Variants in ZNF716 observed in about 807,000 individuals in gnomAD.
The protein encoded by ZNF716 is zinc finger protein 716.
ZNF716 carries 9 observed loss-of-function variants against 13.4 expected under a neutral mutation model. The ratio of observed to expected loss-of-function variants is 0.67; its 90% CI spans 0.41 to 1.18. ZNF716 has a LOEUF of 1.18. Among genes scored for constraint, ZNF716 ranks in the 50% most tolerant of loss-of-function variants. The pLI, the probability that ZNF716 is intolerant of heterozygous loss-of-function variation, is 0.01. For synonymous variants in ZNF716, 186 were observed against 195.2 expected (o/e 0.95, Z 0.39); for missense variants, 581 against 576.6 (o/e 1.01, Z -0.08).
chr7:57,463,676 G>A (rs1259710741), intron 3 of ZNF716, among the ~76,000 whole-genome samples: 1 of 151,526 alleles, frequency 6.6e-6, no homozygotes, highest in Non-Finnish European at 1.5e-5. Flanking sequence ...TTTTATCCAT[G>A]TATTTATTTA....
chr7:57,458,536 C>T (rs548409086), intron 1 of ZNF716, among the ~76,000 whole-genome samples: 91 of 152,110 alleles, frequency 6.0e-4, no homozygotes, highest in East Asian at 7.7e-4. Flanking sequence ...GATTCTTTTG[C>T]CTCAGCCTCC....
At chr7:57,457,088 T>C (rs1789606480) in intron 1 of ZNF716, among the ~76,000 whole-genome samples, 1 of 152,172 alleles carries the variant, frequency 6.6e-6, no homozygotes, top group African/African-American at 2.4e-5. Context: ...ACAGCACTTA[T>C]GCTTTTAGTG....
chr7:57,472,949 G>A lies in ZNF716; in HGVS notation c.*3000G>A, dbSNP rs1789972117. The stretch of plus-strand genomic sequence containing the variant: ...TTAATGATCACAACAGAGTAAATGA[G>A]GCATTCATCACCTTGAGCATGTATT... On this transcript the variant is annotated 3_prime_UTR_variant, in exon 4 of 4. Transcript: ENST00000420713. 1 of 151,898 alleles carries A rather than the reference G, an allele frequency of 6.6e-6. No individual in the cohort carries two copies. Among genetic ancestry groups the A allele is most frequent in the African/African-American group, 2.4e-5 (1 of 41,352 alleles). 9.4% of individuals were successfully genotyped at this position (151,898 alleles called of 1,614,324 possible). A position where few individuals can be genotyped will look rare whatever the true frequency, so the allele number is the denominator to read the frequency against.
At chr7:57,467,241 C>G (rs184815735) in intron 3 of ZNF716, among the ~76,000 whole-genome samples, 49 of 152,020 alleles carry the variant, frequency 3.2e-4, no homozygotes, top group Non-Finnish European at 6.3e-4. Context: ...TTATATCTTT[C>G]AAATTTTAAA....
At chr7:57,454,937 A>G (rs1789560271) in intron 1 of ZNF716, among the ~76,000 whole-genome samples, 1 of 152,030 alleles carries the variant, frequency 6.6e-6, no homozygotes, top group Non-Finnish European at 1.5e-5. Context: ...GAGGCAGGAG[A>G]ATGGCATGAA....
rs112032380 is a variant in ZNF716, at chr7:57,450,469, T to C, written c.39+142T>C. 7.3e-5 allele frequency: 107 copies of C among 1,465,502 alleles called. No individual in the cohort carries two copies. The African/African-American group carries it at 1.1e-3, about 16-fold the overall frequency. 90.8% of individuals were successfully genotyped at this position (1,465,502 alleles called of 1,614,324 possible). A position where few individuals can be genotyped will look rare whatever the true frequency, so the allele number is the denominator to read the frequency against. On this transcript the variant is annotated intron_variant, in intron 1 of 3. Coordinates refer to ENST00000420713, the MANE Select transcript of ZNF716 (RefSeq NM_001159279.1). ...ATCCTCCTTGTCCCAGCTCGGCTCTTAGTCCCCTCGAGCGTTAAGATGCTG... is the reference window on the plus strand; with the variant it reads ...ATCCTCCTTGTCCCAGCTCGGCTCTCAGTCCCCTCGAGCGTTAAGATGCTG...
At chr7:57,459,711 C>T (rs1377586194) in intron 1 of ZNF716, among the ~76,000 whole-genome samples, 3 of 152,156 alleles carry the variant, frequency 2.0e-5, no homozygotes, top group Non-Finnish European at 1.5e-5. Flanking sequence ...GCTGCACTGC[C>T]TGCCCTGTTT....
At chr7:57,461,863 A>C (rs2116415027) in intron 1 of ZNF716, among the ~76,000 whole-genome samples, 1 of 152,296 alleles carries the variant, frequency 6.6e-6, no homozygotes, top group Non-Finnish European at 1.5e-5. Flanking sequence ...ATAGCACTCA[A>C]AAATAGACAT....
chr7:57,461,008 G>A (rs1225071199), intron 1 of ZNF716, among the ~76,000 whole-genome samples: 2 of 151,674 alleles, frequency 1.3e-5, no homozygotes, highest in African/African-American at 4.8e-5. Context: ...AGTGGCTCAC[G>A]CTTGTAATCC....
At chr7:57,458,090 T>A (rs782231350) in intron 1 of ZNF716, among the ~76,000 whole-genome samples, 2 of 152,242 alleles carry the variant, frequency 1.3e-5, no homozygotes, top group African/African-American at 2.4e-5. Flanking sequence ...TGGTTTTTGC[T>A]ATTGTGAATA....
intron 1 of ZNF716, among the ~76,000 whole-genome samples, chr7:57,460,553 A>T (rs1277408197): frequency 9.2e-5 from 14 of 152,074 alleles, no homozygotes; most frequent in African/African-American, 3.4e-4. Flanking sequence ...TCTGAAAAAA[A>T]TATTTTTTTT....
At chr7:57,467,765 C>T (rs558557319) in intron 3 of ZNF716, among the ~76,000 whole-genome samples, 5 of 151,686 alleles carry the variant, frequency 3.3e-5, no homozygotes, top group East Asian at 1.9e-4. Context: ...TTTACCTACA[C>T]GTTTGTTTAT....
At chr7:57,454,334 T>A (rs1562674637) in intron 1 of ZNF716, among the ~76,000 whole-genome samples, 2 of 152,228 alleles carry the variant, frequency 1.3e-5, no homozygotes, top group Non-Finnish European at 2.9e-5. Context: ...AATTTTTCCC[T>A]TGTATAAACA....
intron 1 of ZNF716, among the ~76,000 whole-genome samples, chr7:57,458,456 CTT>C (rs1408525703): frequency 1.1e-4 from 16 of 150,146 alleles, no homozygotes; most frequent in African/African-American, 3.4e-4. Context: ...GAGTTTCACT[CTT>C]TTCGTCCAGA....
chr7:57,468,870 G>A lies in ZNF716; in HGVS notation c.409G>A (p.Val137Met), dbSNP rs782378063. 6.2e-7 allele frequency: 1 copy of A among 1,613,478 alleles called. No homozygotes were observed. Among genetic ancestry groups the A allele is most frequent in the African/African-American group, 1.3e-5 (1 of 74,866 alleles). ...KCCKSVGECE[V>M]HKGGYNYVNQ... is the part of the protein sequence containing the mutation. ...CTGTAAAAGTGTAGGTGAGTGTGAG[G>A]TGCACAAAGGAGGTTATAATTATGT... The change falls in exon 4 of 4, where the codon GTG becomes ATG. Residue 137 changes from valine (V) to methionine (M), a missense_variant. Transcript: ENST00000420713.
At chr7:57,452,643 GAAA>G (rs1161015636) in intron 1 of ZNF716, among the ~76,000 whole-genome samples, 23 of 150,438 alleles carry the variant, frequency 1.5e-4, no homozygotes, top group Non-Finnish European at 3.0e-4. Context: ...GTCTCAGAAA[GAAA>G]AAAAAAGAAA....
At chr7:57,462,423 T>G (rs1789724116) in intron 1 of ZNF716, 37 bp from the exon 2 acceptor site, 2 of 1,601,518 alleles carry the variant, frequency 1.2e-6, no homozygotes, top group South Asian at 2.2e-5. Flanking sequence ...TGTGTGTTCA[T>G]GAGTGTTTTT....
At chr7:57,454,819 T>A (rs1789558267) in intron 1 of ZNF716, among the ~76,000 whole-genome samples, 2 of 152,070 alleles carry the variant, frequency 1.3e-5, no homozygotes, top group Admixed American at 1.3e-4. Context: ...GGCCAGGAGA[T>A]CGAGACCATC....
At chr7:57,452,210 G>A (rs1455844977) in intron 1 of ZNF716, among the ~76,000 whole-genome samples, 3 of 151,906 alleles carry the variant, frequency 2.0e-5, no homozygotes, top group Non-Finnish European at 4.4e-5. Context: ...TTATCTATTT[G>A]TCCTTTCTTG....
Sources: allele counts gnomAD v4.1 joint callset (sites outside exome capture counted in the v4.1 genomes callset), GRCh38; gene constraint gnomAD v4.1.1; transcripts MANE v1.5; gene names NCBI Gene and HGNC (gene_info 2026-07-23, HGNC 2026-07-21).